The following PVT1 variants were observed in gnomAD, a reference collection of about 807,000 sequenced individuals.
The protein encoded by PVT1 is Pvt1 oncogene.
intron 6 of PVT1, among the ~76,000 whole-genome samples, chr8:128,097,734 T>C (rs1814447134): frequency 6.6e-6 from 1 of 152,174 alleles, no homozygotes; most frequent in Non-Finnish European, 1.5e-5. Context: ...ATCTATTAAG[T>C]AACAGAGCCA....
chr8:127,879,386 G>C (rs931186595), intron 2 of PVT1, among the ~76,000 whole-genome samples: 2 of 152,124 alleles, frequency 1.3e-5, no homozygotes, highest in Non-Finnish European at 2.9e-5. Context: ...AAAATTAGCC[G>C]GGCGTGGTGG....
In PVT1 at chr8:127,834,332, A is replaced by G. The variant is rs558504081; in HGVS notation, n.372+38261A>G. ...ACAAGCAATGGGGAAAGAATTCCCT[A>G]TTTAATAATGGTGTCAGGAAAACCG... On this transcript the variant is annotated intron_variant and non_coding_transcript_variant, in intron 2 of 10. Transcript: ENST00000651587. 1.4e-3 allele frequency among the ~76,000 whole-genome samples: 209 copies of G among 152,184 alleles called. 1 individual carries two copies. The highest frequency in any genetic ancestry group is 2.7e-3 in the Non-Finnish European group (184 of 68,032).
At chr8:127,932,690 A>G (rs1816222376) in intron 3 of PVT1, 3 of 393,608 alleles carry the variant, frequency 7.6e-6, no homozygotes, top group Non-Finnish European at 8.9e-6. Flanking sequence ...AAAATAAAAA[A>G]TAAAAACATA....
At position 127,904,982 on chromosome 8, in the gene PVT1, C is replaced by T. The variant is rs568737043; in HGVS notation, n.782+13984C>T. ...GACTAAGGTTCAGGCTTCGTATTGA[C>T]TTCCATGACCAAGCATCCTGGGTCC... On this transcript the variant is annotated intron_variant and non_coding_transcript_variant, in intron 3 of 10. Coordinates refer to ENST00000651587, the Ensembl canonical transcript of PVT1. 3.9e-5 allele frequency among the ~76,000 whole-genome samples: 6 copies of T among 152,356 alleles called. No homozygotes were observed. The East Asian group carries it at 1.2e-3, about 29-fold the overall frequency.
chr8:128,025,641 C>T (rs1306677288), intron 4 of PVT1, among the ~76,000 whole-genome samples: 5 of 152,210 alleles, frequency 3.3e-5, no homozygotes, highest in African/African-American at 1.2e-4. Flanking sequence ...CTCAATACAG[C>T]TCCCTTCCTG....
At chr8:128,060,222 C>G (rs903387509) in intron 4 of PVT1, among the ~76,000 whole-genome samples, 1 of 152,152 alleles carries the variant, frequency 6.6e-6, no homozygotes, top group Non-Finnish European at 1.5e-5. Context: ...TGCCACTGCA[C>G]TCCAGCCTGG....
intron 3 of PVT1, among the ~76,000 whole-genome samples, chr8:127,925,584 T>G (rs1460740917): frequency 6.6e-6 from 1 of 152,242 alleles, no homozygotes; most frequent in East Asian, 1.9e-4. Context: ...TTATTGAGAT[T>G]ATATAGTCTT....
chr8:127,828,300 G>A (rs1814813845), intron 2 of PVT1, among the ~76,000 whole-genome samples: 1 of 152,132 alleles, frequency 6.6e-6, no homozygotes, highest in Non-Finnish European at 1.5e-5. Context: ...TGGATGTGAC[G>A]TTTCCGAAGG....
At chr8:128,061,424 T>C (rs190814143) in intron 4 of PVT1, among the ~76,000 whole-genome samples, 1 of 152,288 alleles carries the variant, frequency 6.6e-6, no homozygotes, top group African/African-American at 2.4e-5. Context: ...GGTTGTTTCT[T>C]TGGGGGTGGG....
intron 3 of PVT1, among the ~76,000 whole-genome samples, chr8:127,988,753 A>G (rs1268620234): frequency 6.6e-6 from 1 of 152,206 alleles, no homozygotes; most frequent in African/African-American, 2.4e-5. Flanking sequence ...GGGACAGGCT[A>G]TTCTCAGAAT....
intron 3 of PVT1, among the ~76,000 whole-genome samples, chr8:127,900,631 C>T (rs1409227919): frequency 1.3e-5 from 2 of 152,186 alleles, no homozygotes; most frequent in African/African-American, 4.8e-5. Context: ...CTTGTTCATT[C>T]ATTCCCTGGG....
At chr8:128,099,165 G>A (rs781315756) in intron 6 of PVT1, among the ~76,000 whole-genome samples, 2 of 152,194 alleles carry the variant, frequency 1.3e-5, no homozygotes, top group African/African-American at 2.4e-5. Flanking sequence ...TGTTCTCCAC[G>A]TCATTGCATA....
chr8:127,797,184 C>A (rs181003878), intron 2 of PVT1, among the ~76,000 whole-genome samples: 14 of 152,194 alleles, frequency 9.2e-5, no homozygotes, highest in Non-Finnish European at 1.8e-4. Flanking sequence ...AGGCATGGAC[C>A]ACCATGCCTG....
chr8:128,053,560 C>T (rs1326731624), intron 4 of PVT1, among the ~76,000 whole-genome samples: 1 of 152,026 alleles, frequency 6.6e-6, no homozygotes, highest in African/African-American at 2.4e-5. Context: ...CACACAGGCT[C>T]CTCAGAATGG....
chr8:127,992,957 G>T (rs932552559), intron 4 of PVT1, among the ~76,000 whole-genome samples: 1 of 152,214 alleles, frequency 6.6e-6, no homozygotes, highest in Admixed American at 6.5e-5. Context: ...TGTAAAGATT[G>T]CTTCCTGTAC....
chr8:128,003,597 T>C (rs1817211343), intron 4 of PVT1, among the ~76,000 whole-genome samples: 1 of 152,206 alleles, frequency 6.6e-6, no homozygotes, highest in African/African-American at 2.4e-5. Flanking sequence ...CCTCCCAAAG[T>C]ACTGGGATTA....
rs11438511 is a variant in PVT1, at chr8:128,021,290, CTTTTTTTTTTT to C, written n.912+32010_912+32020del. ...CCAGTCCGATTCCCCAGGACTTGTG[CTTTTTTTTTTT>C]TTTTTTTTTTGAGACGGAGTCTAGC... On this transcript the variant is annotated intron_variant and non_coding_transcript_variant, in intron 4 of 10. Coordinates refer to ENST00000651587, the Ensembl canonical transcript of PVT1. 9.9e-5 allele frequency among the ~76,000 whole-genome samples: 8 copies of C among 81,140 alleles called. No individual in the cohort carries two copies. In the South Asian group the frequency reaches 3.5e-3, roughly 35 times the overall value. The allele number at this position is 81,140 out of a possible 152,430, so 53.2% of individuals were successfully genotyped here. A position where few individuals can be genotyped will look rare whatever the true frequency, so the allele number is the denominator to read the frequency against.
intron 3 of PVT1, among the ~76,000 whole-genome samples, chr8:127,966,935 G>A (rs555456729): frequency 1.3e-5 from 2 of 152,082 alleles, no homozygotes; most frequent in Non-Finnish European, 2.9e-5. Flanking sequence ...CCCCTGTCAC[G>A]GGTATCCCAG....
intron 4 of PVT1, among the ~76,000 whole-genome samples, chr8:128,003,748 G>A (rs1409692522): frequency 6.6e-6 from 1 of 152,204 alleles, no homozygotes; most frequent in East Asian, 1.9e-4. Flanking sequence ...AGATTTGGGG[G>A]ACTATTCTCC....
Sources: gnomAD v4.1 joint callset for allele counts (sites outside exome capture counted in the v4.1 genomes callset) on GRCh38, gnomAD v4.1.1 for gene constraint, MANE v1.5 for transcripts, NCBI Gene and HGNC (gene_info 2026-07-23, HGNC 2026-07-21) for gene names.